The following THSD4 variants were observed in gnomAD, a reference collection of about 807,000 sequenced individuals.
THSD4 encodes the protein thrombospondin type 1 domain containing 4, also known as thrombospondin type-1 domain-containing protein 4.
THSD4 carries 69 observed loss-of-function variants against 119.0 expected under a neutral mutation model. That is an observed-to-expected ratio of 0.58 (90% CI 0.48 to 0.71). The LOEUF (loss-of-function observed/expected upper bound fraction) is 0.71, where lower values mean the gene tolerates loss of function less well. THSD4 is among the 30% of genes least tolerant of loss of function. The pLI, the probability that THSD4 is intolerant of heterozygous loss-of-function variation, is 0.00. For synonymous variants in THSD4, 524 were observed against 540.4 expected, an observed-to-expected ratio of 0.97 and a Z score of 0.42; for missense variants, 1,393 against 1,391.1, an observed-to-expected ratio of 1.00 and a Z score of -0.02.
At chr15:71,695,200 CTTGCATTTCT>C (rs972803708) in intron 8 of THSD4, among the ~76,000 whole-genome samples, 6 of 152,122 alleles carry the variant, frequency 3.9e-5, no homozygotes, top group Non-Finnish European at 7.4e-5. Context: ...AAATCATTTC[CTTGCATTTCT>C]TTATAATTGT....
intron 7 of THSD4, among the ~76,000 whole-genome samples, chr15:71,582,547 C>G (rs988364163): frequency 6.6e-6 from 1 of 152,182 alleles, no homozygotes; most frequent in South Asian, 2.1e-4. Flanking sequence ...AGTGGACATC[C>G]TTGTCTTGTT....
intron 6 of THSD4, among the ~76,000 whole-genome samples, chr15:71,279,263 G>A (rs192354178): frequency 3.9e-5 from 6 of 152,094 alleles, no homozygotes; most frequent in African/African-American, 1.2e-4. Flanking sequence ...TTAAGGTTAC[G>A]TAACAGCTCA....
chr15:71,599,943 G>C (rs7167491), intron 7 of THSD4, among the ~76,000 whole-genome samples: 2,106 of 152,310 alleles, frequency 0.014, 52 homozygotes, highest in African/African-American at 0.049. Flanking sequence ...TTGGCTCTCT[G>C]TTTGACCATA....
chr15:71,447,355 G>A (rs983772163), intron 7 of THSD4, among the ~76,000 whole-genome samples: 3 of 151,888 alleles, frequency 2.0e-5, no homozygotes, highest in Admixed American at 1.3e-4. Flanking sequence ...TCTTGACCTC[G>A]TGATCCGCCA....
At chr15:71,131,415 A>G (rs896338793) in intron 1 of THSD4, among the ~76,000 whole-genome samples, 1 of 151,954 alleles carries the variant, frequency 6.6e-6, no homozygotes, top group African/African-American at 2.4e-5. Flanking sequence ...ATTTCAAAAC[A>G]TGGCCGGGCA....
rs3086738 is a variant in THSD4 at position 71,695,502 on chromosome 15, A to ATGTGTGTGTGTGTG, written c.1358-33029_1358-33016dup. On this transcript the variant is annotated intron_variant, in intron 8 of 17. Coordinates refer to ENST00000261862, the MANE Select transcript of THSD4 (RefSeq NM_024817.3). Reference sequence around the variant, plus strand: ...ACACATAAAATATTTGTGTGTGTGCATGTGTGTGTGTGTGTGTGTGTGTGT... The same window carrying ATGTGTGTGTGTGTG: ...ACACATAAAATATTTGTGTGTGTGCATGTGTGTGTGTGTGTGTGTGTGTGTGTGTGTGTGTGTGT... Among the ~76,000 whole-genome samples, 557 of 144,120 alleles carry ATGTGTGTGTGTGTG rather than the reference A, an allele frequency of 3.9e-3. 4 individuals carry two copies. Among genetic ancestry groups the ATGTGTGTGTGTGTG allele is most frequent in the African/African-American group, 8.3e-3 (324 of 38,854 alleles). The allele number at this position is 144,120 out of a possible 152,430, so 94.5% of individuals were successfully genotyped here.
rs1172587330 is a variant in THSD4 at position 71,191,906 on chromosome 15, T to TC, written c.100-23129_100-23128insC. On this transcript the variant is annotated intron_variant, in intron 3 of 17. Coordinates refer to ENST00000261862, the MANE Select transcript of THSD4 (RefSeq NM_024817.3). ...TGCTTTGCCTTCTTCTTCTTCTTCT[T>TC]TTTTTTTTTTTTTTGAGATGGAATC... 1.9e-3 allele frequency among the ~76,000 whole-genome samples: 72 copies of TC among 38,084 alleles called. No homozygotes were observed. In the South Asian group the frequency reaches 0.054, roughly 29 times the overall value. The allele number at this position is 38,084 out of a possible 152,430, so 25.0% of individuals were successfully genotyped here. A position where few individuals can be genotyped will look rare whatever the true frequency, so the allele number is the denominator to read the frequency against.
At chr15:71,508,188 G>A (rs1396390642) in intron 7 of THSD4, among the ~76,000 whole-genome samples, 1 of 152,114 alleles carries the variant, frequency 6.6e-6, no homozygotes, top group Non-Finnish European at 1.5e-5. Flanking sequence ...TTGCACCAGA[G>A]CCCAACCTCA....
chr15:71,162,199 A>G (rs939808674), intron 3 of THSD4, among the ~76,000 whole-genome samples: 2 of 151,996 alleles, frequency 1.3e-5, no homozygotes, highest in African/African-American at 4.8e-5. Flanking sequence ...TCAGAGTATG[A>G]CTATGGATTT....
At chr15:71,636,867 C>T (rs901511007) in intron 7 of THSD4, among the ~76,000 whole-genome samples, 4 of 151,782 alleles carry the variant, frequency 2.6e-5, no homozygotes, top group Non-Finnish European at 4.4e-5. Context: ...GTGGGCCAGG[C>T]GCTCTCTCTC....
At chr15:71,450,396 G>T (rs1251300157) in intron 7 of THSD4, among the ~76,000 whole-genome samples, 1 of 152,110 alleles carries the variant, frequency 6.6e-6, no homozygotes, top group African/African-American at 2.4e-5. Context: ...ACTCAGAGAG[G>T]GTTGGGGGAG....
chr15:71,758,200 T>A (rs2053576716), intron 15 of THSD4, 125 bp downstream of exon 15: 1 of 1,195,116 alleles, frequency 8.4e-7, no homozygotes, highest in Non-Finnish European at 1.1e-6. Flanking sequence ...ACTGTCTATC[T>A]GTGACCCTGG....
intron 12 of THSD4, 149 bp downstream of exon 12, chr15:71,745,384 G>A: frequency 2.7e-6 from 3 of 1,091,658 alleles, no homozygotes; most frequent in Non-Finnish European, 3.7e-6. Context: ...TGTTTAGCAG[G>A]CACACCTGTC....
chr15:71,606,749 AG>A (rs1341439319), intron 7 of THSD4, among the ~76,000 whole-genome samples: 1 of 152,080 alleles, frequency 6.6e-6, no homozygotes, highest in Non-Finnish European at 1.5e-5. Flanking sequence ...CTTGTTGGTT[AG>A]GCTGGTTTCA....
chr15:71,297,576 C>T lies in THSD4; in HGVS notation c.1015+40861C>T, dbSNP rs1000803185. Reference sequence around the variant, plus strand: ...GTCTTGAACTCCTGACCTTGTGATCCGCCTGCCTTGGCCTCCCAAAGTGCT... The same window carrying T: ...GTCTTGAACTCCTGACCTTGTGATCTGCCTGCCTTGGCCTCCCAAAGTGCT... On this transcript the variant is annotated intron_variant, in intron 6 of 17. Transcript: ENST00000261862. Among the ~76,000 whole-genome samples, 8 of 152,162 alleles carry T rather than the reference C, an allele frequency of 5.3e-5. No individual in the cohort carries two copies. In the East Asian group the frequency reaches 1.2e-3, roughly 22 times the overall value.
chr15:71,325,784 T>A (rs578051378), intron 6 of THSD4, among the ~76,000 whole-genome samples: 1 of 152,336 alleles, frequency 6.6e-6, no homozygotes, highest in South Asian at 2.1e-4. Context: ...CCCATTTGAC[T>A]TTTATGTATG....
rs1034347753 is a variant in THSD4 at position 71,780,312 on chromosome 15, A to G, written c.*2938A>G. On this transcript the variant is annotated 3_prime_UTR_variant, in exon 18 of 18. Coordinates refer to ENST00000261862, the MANE Select transcript of THSD4 (RefSeq NM_024817.3). ...TTCCTGCTCTGAATTTTAAAATTAG[A>G]TATTAAAGCTGTCATATGGTTTCCT... is the stretch of plus-strand genomic sequence containing the variant. 8 of 161,418 alleles carry G rather than the reference A, an allele frequency of 5.0e-5. No homozygotes were observed. The highest frequency in any genetic ancestry group is 1.7e-4 in the African/African-American group (7 of 41,740). 10.0% of individuals were successfully genotyped at this position (161,418 alleles called of 1,614,324 possible).
chr15:71,493,505 G>A (rs914547536), intron 7 of THSD4, among the ~76,000 whole-genome samples: 1 of 152,142 alleles, frequency 6.6e-6, no homozygotes, highest in Non-Finnish European at 1.5e-5. Flanking sequence ...TTTGATAGCT[G>A]AATAAACTGA....
intron 7 of THSD4, among the ~76,000 whole-genome samples, chr15:71,447,549 G>A (rs1350289388): frequency 6.6e-6 from 1 of 152,164 alleles, no homozygotes; most frequent in Non-Finnish European, 1.5e-5. Flanking sequence ...TACAGCTATA[G>A]AATTTATCCT....
Sources: gnomAD v4.1 joint callset for allele counts (sites outside exome capture counted in the v4.1 genomes callset) on GRCh38, gnomAD v4.1.1 for gene constraint, MANE v1.5 for transcripts, NCBI Gene and HGNC (gene_info 2026-07-23, HGNC 2026-07-21) for gene names.